Variants in CRX observed in about 807,000 individuals in gnomAD.
CRX encodes the protein cone-rod homeobox protein.
A neutral mutation model predicts 13.1 loss-of-function variants in CRX; 5 were observed. That is an observed-to-expected ratio of 0.38 (90% CI 0.20 to 0.80). The LOEUF (loss-of-function observed/expected upper bound fraction) is 0.80, where lower values mean the gene tolerates loss of function less well. Ranked by LOEUF, CRX falls within the 30% of genes least tolerant of loss-of-function variation. CRX has a pLI of 0.43. For synonymous variants in CRX, 179 were observed against 171.1 expected (o/e 1.05, Z -0.36); for missense variants, 351 against 391.8 (o/e 0.90, Z 0.88).
chr19:47,837,514 T>A (rs535349315), intron 3 of CRX, among the ~76,000 whole-genome samples: 23 of 152,320 alleles, frequency 1.5e-4, no homozygotes, highest in Admixed American at 1.4e-3. Context: ...TATATATGAT[T>A]GGACTGATAA....
chr19:47,839,198 C>T lies in CRX; in HGVS notation c.253-122C>T. 1.9e-6 allele frequency: 2 copies of T among 1,077,894 alleles called. No individual in the cohort carries two copies. Among genetic ancestry groups the T allele is most frequent in the Non-Finnish European group, 2.7e-6 (2 of 746,736 alleles). 66.8% of individuals were successfully genotyped at this position (1,077,894 alleles called of 1,614,324 possible). ...TGAATAGACGCCCCACAGCTGGATG[C>T]AAAGTAGACAGATGTGAACCCAGCA... On this transcript the variant is annotated intron_variant, in intron 3 of 3. Coordinates refer to ENST00000221996, the MANE Select transcript of CRX (RefSeq NM_000554.6). This position sits in a 1 kb window ranked among gnomAD's most constrained non-coding sequence, Gnocchi z 4.6.
At chr19:47,828,047 G>C (rs1330975528) in intron 1 of CRX, among the ~76,000 whole-genome samples, 1 of 151,432 alleles carries the variant, frequency 6.6e-6, no homozygotes, top group Non-Finnish European at 1.5e-5. Flanking sequence ...TCAGCTACTT[G>C]GGAGGCTGAG....
At chr19:47,836,480 A>G (rs1218311857) in intron 3 of CRX, 86 bp downstream of exon 3, 5 of 1,554,588 alleles carry the variant, frequency 3.2e-6, no homozygotes, top group Non-Finnish European at 4.4e-6. Flanking sequence ...GGGAGGAGGG[A>G]GAGATCACAG....
At chr19:47,829,610 C>A (rs991972758) in intron 1 of CRX, among the ~76,000 whole-genome samples, 1 of 151,884 alleles carries the variant, frequency 6.6e-6, no homozygotes, top group East Asian at 1.9e-4. Flanking sequence ...GCATTACAGG[C>A]GTGAGCAACT....
At chr19:47,828,612 A>AGTGTGTGTGTGTGT (rs113277135) in intron 1 of CRX, among the ~76,000 whole-genome samples, 55 of 149,620 alleles carry the variant, frequency 3.7e-4, no homozygotes, top group African/African-American at 1.1e-3. Flanking sequence ...GGAGGTAGGG[A>AGTGTGTGTGTGTGT]GCGTGTGTGT....
chr19:47,835,646 C>T (rs1436720592), intron 2 of CRX, among the ~76,000 whole-genome samples: 3 of 135,368 alleles, frequency 2.2e-5, no homozygotes, highest in African/African-American at 6.1e-5. Context: ...TTTTCAAGAC[C>T]GAGCCTTGTT....
At position 47,839,797 on chromosome 19, in the gene CRX, C is replaced by T; in HGVS notation, c.730C>T (p.Pro244Ser). 6.2e-7 allele frequency: 1 copy of T among 1,614,154 alleles called. No homozygotes were observed. The highest frequency in any genetic ancestry group is 8.5e-7 in the Non-Finnish European group (1 of 1,180,012). ...LSPLSGPSVG[P>S]SLAQSPTSLS... is the part of the protein sequence containing the mutation. ...CCCCCTCTCTGGCCCCTCCGTGGGACCTTCCCTGGCCCAGTCCCCCACCTC... is the reference window on the plus strand; with the variant it reads ...CCCCCTCTCTGGCCCCTCCGTGGGATCTTCCCTGGCCCAGTCCCCCACCTC... The change falls in exon 4 of 4, where the codon CCT becomes TCT. Residue 244 changes from proline (P) to serine (S), a missense_variant. Physicochemically the swap from Pro to Ser is moderately conservative, Grantham distance 74 (BLOSUM62 -1). Around this residue, in one of 3 missense-constraint regions of CRX, gnomAD observed 253 missense variants for 268.3 expected, o/e 0.94. Transcript: ENST00000221996. The surrounding 1 kb of genome is among the most constrained non-coding windows in gnomAD (Gnocchi z 4.6).
chr19:47,838,981 T>C (rs1248818946), intron 3 of CRX, among the ~76,000 whole-genome samples: 1 of 151,912 alleles, frequency 6.6e-6, no homozygotes, highest in East Asian at 1.9e-4. Context: ...TGGATGAATA[T>C]GTGTATGATG....
chr19:47,839,401 G>C lies in CRX; in HGVS notation c.334G>C (p.Ala112Pro), dbSNP rs1309890746. Residue 112 changes from alanine to proline, a missense_variant, in exon 4 of 4, where the codon GCC becomes CCC. This residue lies in a region of CRX where 253 missense variants were observed against 268.3 expected (regional missense o/e 0.94). Transcript: ENST00000221996. This position sits in a 1 kb window ranked among gnomAD's most constrained non-coding sequence, Gnocchi z 4.6. The stretch of plus-strand genomic sequence containing the variant: ...GCAGCAGCAGCCCCCAGGGGGCCAG[G>C]CCAAGGCCCGGCCTGCCAAGAGGAA... ...KQQQQPPGGQ[A>P]KARPAKRKAG... The C allele has an allele frequency of 6.2e-7, 1 of 1,613,600 alleles. No individual in the cohort carries two copies. The highest frequency in any genetic ancestry group is 1.3e-5 in the African/African-American group (1 of 74,904).
intron 1 of CRX, among the ~76,000 whole-genome samples, chr19:47,826,377 G>A (rs968759368): frequency 6.6e-6 from 1 of 152,162 alleles, no homozygotes; most frequent in Non-Finnish European, 1.5e-5. Flanking sequence ...GCTGAGGCAG[G>A]AGGATCTGCT....
intron 2 of CRX, among the ~76,000 whole-genome samples, chr19:47,835,398 C>T (rs1968104950): frequency 1.3e-5 from 2 of 150,584 alleles, no homozygotes; most frequent in South Asian, 2.1e-4. Context: ...TCTTTCGAGA[C>T]ACAGTTTAGA....
At position 47,843,057 on chromosome 19, in the gene CRX, G is replaced by C. The variant is rs1166408466; in HGVS notation, c.*3090G>C. On this transcript the variant is annotated 3_prime_UTR_variant, in exon 4 of 4. Transcript: ENST00000221996. ...TCCACCAGGAGCCGGAGAGGGCAGG[G>C]AGCCAAATCCAGCTAGGAGGTTACA... 1 of 152,326 alleles carries C rather than the reference G, an allele frequency of 6.6e-6. No individual in the cohort carries two copies. The highest frequency in any genetic ancestry group is 2.4e-5 in the African/African-American group (1 of 41,440). The allele number at this position is 152,326 out of a possible 1,614,324, so 9.4% of individuals were successfully genotyped here.
intron 2 of CRX, among the ~76,000 whole-genome samples, chr19:47,835,144 G>A (rs536593736): frequency 1.2e-4 from 18 of 152,074 alleles, no homozygotes; most frequent in East Asian, 1.2e-3. Flanking sequence ...ACAGGTGCAC[G>A]CCACCATGCC....
rs1388521713 is a variant in CRX at position 47,841,970 on chromosome 19, A to C, written c.*2003A>C. 1 of 152,226 alleles carries C rather than the reference A, an allele frequency of 6.6e-6. No homozygotes were observed. The highest frequency in any genetic ancestry group is 1.9e-4 in the East Asian group (1 of 5,200). 9.4% of individuals were successfully genotyped at this position (152,226 alleles called of 1,614,324 possible). On this transcript the variant is annotated 3_prime_UTR_variant, in exon 4 of 4. Coordinates refer to ENST00000221996, the MANE Select transcript of CRX (RefSeq NM_000554.6). ...GAGTGTTTGTCAGTTTCCGTGGTGT[A>C]AATACTCCCACCACGGCTGACTTCA...
intron 2 of CRX, among the ~76,000 whole-genome samples, chr19:47,835,460 T>G (rs1302100116): frequency 2.0e-5 from 3 of 150,064 alleles, no homozygotes; most frequent in African/African-American, 7.4e-5. Flanking sequence ...TCTTGGCTCT[T>G]TGCAACTTTT....
Position 47,832,297 on chromosome 19 carries a change from G to T in CRX, c.-35-2112G>T, listed in dbSNP as rs1192629401. 1.6e-5 allele frequency among the ~76,000 whole-genome samples: 2 copies of T among 127,848 alleles called. 1 individual carries two copies. Among genetic ancestry groups the T allele is most frequent in the African/African-American group, 7.1e-5 (2 of 28,274 alleles). 83.9% of individuals were successfully genotyped at this position (127,848 alleles called of 152,430 possible). A position where few individuals can be genotyped will look rare whatever the true frequency, so the allele number is the denominator to read the frequency against. ...ATTTTTGTATTTTCTGCAGAGACGGGGTTTCACCATGTTGGCCAGGCTGGT... is the reference window on the plus strand; with the variant it reads ...ATTTTTGTATTTTCTGCAGAGACGGTGTTTCACCATGTTGGCCAGGCTGGT... On this transcript the variant is annotated intron_variant, in intron 1 of 3. Transcript: ENST00000221996.
At chr19:47,831,973 A>T (rs61461491) in intron 1 of CRX, among the ~76,000 whole-genome samples, 2,060 of 143,954 alleles carry the variant, frequency 0.014, 72 homozygotes, top group African/African-American at 0.054. Flanking sequence ...TCCCGACCTC[A>T]GGTGATCCGC....
At position 47,834,613 on chromosome 19, in the gene CRX, G is replaced by T. The variant is rs1968094258; in HGVS notation, c.100+70G>T. On this transcript the variant is annotated intron_variant, in intron 2 of 3. Coordinates refer to ENST00000221996, the MANE Select transcript of CRX (RefSeq NM_000554.6). ...CTTGGAGGACCTCTGGGGTCCCTTT[G>T]CCCCCAGGAAGAAGGCAATCACAGG... The T allele has an allele frequency of 6.1e-6, 8 of 1,316,702 alleles. No individual in the cohort carries two copies. In the Admixed American group the frequency reaches 1.5e-4, roughly 25 times the overall value. 81.6% of individuals were successfully genotyped at this position (1,316,702 alleles called of 1,614,324 possible). A position where few individuals can be genotyped will look rare whatever the true frequency, so the allele number is the denominator to read the frequency against.
chr19:47,838,386 A>G (rs965905075), intron 3 of CRX, among the ~76,000 whole-genome samples: 2 of 152,016 alleles, frequency 1.3e-5, no homozygotes, highest in African/African-American at 4.8e-5. Context: ...GATAAATGAA[A>G]TGTGTGTCTG....
Sources: allele counts gnomAD v4.1 joint callset (sites outside exome capture counted in the v4.1 genomes callset), GRCh38; gene constraint gnomAD v4.1.1; regional missense constraint gnomAD v4.1.1; non-coding constraint Gnocchi (gnomAD v3.1); transcripts MANE v1.5; gene names NCBI Gene and HGNC (gene_info 2026-07-23, HGNC 2026-07-21).